MARCO: variants seen among roughly 807,000 people sequenced by gnomAD.
MARCO encodes macrophage receptor with collagenous structure.
In MARCO, 72 loss-of-function variants were observed where a neutral mutation model predicts 70.0. That is an observed-to-expected ratio of 1.03 (90% CI 0.85 to 1.25). The LOEUF (loss-of-function observed/expected upper bound fraction) is 1.25. Among genes scored for constraint, MARCO ranks in the 50% most tolerant of loss-of-function variants. The pLI is 0.00. For synonymous variants in MARCO, 273 were observed against 243.1 expected (o/e 1.12, Z -1.14); for missense variants, 696 against 659.3 (o/e 1.06, Z -0.61).
chr2:118,971,630 C>T (rs2104580367), intron 4 of MARCO, 96 bp downstream of exon 4: 4 of 1,197,710 alleles, frequency 3.3e-6, no homozygotes, highest in South Asian at 1.3e-5. Flanking sequence ...GGACAGCTGA[C>T]CCTAGCTTAC....
At chr2:118,986,729 A>AGAAAGAAAGAAAGG (rs1558672056) in intron 12 of MARCO, among the ~76,000 whole-genome samples, 11 of 126,264 alleles carry the variant, frequency 8.7e-5, no homozygotes, top group African/African-American at 3.9e-4. Flanking sequence ...AAGAAAAGAA[A>AGAAAGAAAGAAAGG]GAAAGAAAGA....
At chr2:118,944,449 A>AT (rs1434178764) in intron 1 of MARCO, among the ~76,000 whole-genome samples, 3 of 151,886 alleles carry the variant, frequency 2.0e-5, no homozygotes, top group Non-Finnish European at 4.4e-5. Flanking sequence ...CACATTACTT[A>AT]TTTTTTGTCT....
rs1249438036 is a variant in MARCO, at chr2:118,945,443, C to T, written c.97+3046C>T. Among the ~76,000 whole-genome samples, 6 of 147,358 alleles carry T rather than the reference C, an allele frequency of 4.1e-5. No individual in the cohort carries two copies. In the South Asian group the frequency reaches 6.6e-4, roughly 16 times the overall value. On this transcript the variant is annotated intron_variant, in intron 1 of 16. Coordinates refer to ENST00000327097, the MANE Select transcript of MARCO (RefSeq NM_006770.4). ...TTTTTTCTTTTTTGAGATGGAGTCT[C>T]GCTCTGTCACCCATGCTGGAGTGCA... is the stretch of plus-strand genomic sequence containing the variant.
At chr2:118,949,007 C>T (rs1206370957) in intron 1 of MARCO, among the ~76,000 whole-genome samples, 1 of 152,206 alleles carries the variant, frequency 6.6e-6, no homozygotes, top group East Asian at 1.9e-4. Context: ...ACTGACTTCA[C>T]TGCATCCTGT....
intron 8 of MARCO, among the ~76,000 whole-genome samples, chr2:118,979,477 G>T (rs1317785263): frequency 6.6e-6 from 1 of 152,116 alleles, no homozygotes; most frequent in Non-Finnish European, 1.5e-5. Flanking sequence ...TCCAAAGCTG[G>T]AACAACACAG....
chr2:118,991,964 G>A (rs900155321), intron 14 of MARCO, 89 bp downstream of exon 14: 3 of 934,724 alleles, frequency 3.2e-6, no homozygotes, highest in Non-Finnish European at 4.9e-6. Flanking sequence ...GCTGTTTTAA[G>A]AGTTCTGGGG....
intron 16 of MARCO, among the ~76,000 whole-genome samples, chr2:118,993,557 T>C (rs549128297): frequency 1.3e-5 from 2 of 152,312 alleles, no homozygotes; most frequent in South Asian, 4.1e-4. Flanking sequence ...CATCCAGCCC[T>C]GGAGTCAGAA....
chr2:118,987,820 T>G (rs1033583629), intron 12 of MARCO, among the ~76,000 whole-genome samples: 34 of 152,356 alleles, frequency 2.2e-4, no homozygotes, highest in African/African-American at 7.7e-4. Flanking sequence ...ATGATTCTGA[T>G]GTATTCTCTA....
intron 16 of MARCO, 113 bp from the exon 17 acceptor site, chr2:118,994,274 G>A (rs1305879266): frequency 6.9e-6 from 8 of 1,159,770 alleles, no homozygotes; most frequent in Non-Finnish European, 9.0e-6. Flanking sequence ...GCCAGAATGA[G>A]TGAGAAGTCG....
In MARCO at chr2:118,977,911, G is replaced by C; in HGVS notation, c.742G>C (p.Glu248Gln). Residue 248 changes from glutamate to glutamine, a missense_variant, in exon 8 of 17, where the codon GAG becomes CAG. Physicochemically the swap from Glu to Gln is conservative, Grantham distance 29. Transcript: ENST00000327097. ...AAAAGGGGAAACTGGAACTAAGGGA[G>C]AGAAAGGAGACCTGGGTCTCCCAGG... ...GPKGETGTKG[E>Q]KGDLGLPGSK... 6.2e-7 allele frequency: 1 copy of C among 1,609,916 alleles called. No homozygotes were observed. The highest frequency in any genetic ancestry group is 8.5e-7 in the Non-Finnish European group (1 of 1,178,112).
intron 7 of MARCO, 71 bp from the exon 8 acceptor site, chr2:118,977,757 C>A: frequency 1.7e-6 from 2 of 1,170,024 alleles, no homozygotes; most frequent in Non-Finnish European, 2.5e-6. Flanking sequence ...ATGCTTCCTG[C>A]CCCTTTGCCT....
intron 16 of MARCO, among the ~76,000 whole-genome samples, 182 bp from the exon 17 acceptor site, chr2:118,994,193 AAACAACAACAAC>A (rs139356455): frequency 6.6e-6 from 1 of 151,066 alleles, no homozygotes; most frequent in Non-Finnish European, 1.5e-5. Context: ...GTCATTATAA[AAACAACAACAAC>A]AACAACAACA....
At chr2:118,949,702 T>C (rs995066402) in intron 1 of MARCO, 1 of 152,166 alleles carries the variant, frequency 6.6e-6, no homozygotes, top group South Asian at 2.1e-4. Flanking sequence ...CCAGGAACAA[T>C]GGCCCATGAT....
chr2:118,979,671 C>T (rs932960575), intron 8 of MARCO, among the ~76,000 whole-genome samples: 6 of 152,196 alleles, frequency 3.9e-5, no homozygotes, highest in Admixed American at 2.0e-4. Flanking sequence ...CTGTGGTTGG[C>T]GAAGGGAAAG....
chr2:118,947,967 A>G (rs1157115978), intron 1 of MARCO, among the ~76,000 whole-genome samples: 1 of 152,220 alleles, frequency 6.6e-6, no homozygotes, highest in Admixed American at 6.5e-5. Flanking sequence ...CAATCCATGC[A>G]CATCTCTCCA....
At chr2:118,950,218 A>G (rs1329106217) in intron 1 of MARCO, among the ~76,000 whole-genome samples, 1 of 152,216 alleles carries the variant, frequency 6.6e-6, no homozygotes, top group Admixed American at 6.5e-5. Context: ...CCTTGTTGAC[A>G]TATGTATCCA....
In MARCO at chr2:118,942,410, T is replaced by G. The variant is rs1679521464; in HGVS notation, c.97+13T>G. The G allele has an allele frequency of 6.3e-7, 1 of 1,584,460 alleles. No individual in the cohort carries two copies. Among genetic ancestry groups the G allele is most frequent in the Admixed American group, 1.7e-5 (1 of 59,928 alleles). On this transcript the variant is annotated intron_variant, in intron 1 of 16. Coordinates refer to ENST00000327097, the MANE Select transcript of MARCO (RefSeq NM_006770.4). ...TTCGAAATCAATGGTAAAGTACGAT[T>G]CCCCAATAATGGAAATGACCAGAAA... is the stretch of plus-strand genomic sequence containing the variant.
intron 6 of MARCO, 106 bp downstream of exon 6, chr2:118,974,671 G>C: frequency 9.2e-7 from 1 of 1,084,562 alleles, no homozygotes; most frequent in African/African-American, 1.6e-5. Context: ...CCTCTGAGGG[G>C]TCTGTAGGTG....
chr2:118,981,650 G>C lies in MARCO; in HGVS notation c.895G>C (p.Asp299His), dbSNP rs757790438. 2 of 1,613,738 alleles carry C rather than the reference G, an allele frequency of 1.2e-6. No homozygotes were observed. Among genetic ancestry groups the C allele is most frequent in the African/African-American group, 2.7e-5 (2 of 74,836 alleles). Reference protein sequence around the residue: ...GLAGFPGAKGDQGQPGLQGVP... With the variant: ...GLAGFPGAKGHQGQPGLQGVP... ...GGCTGGTTTTCCTGGAGCTAAAGGA[G>C]ATCAAGGTAAGAACTACAGGAATCT... is the stretch of plus-strand genomic sequence containing the variant. The change falls in exon 10 of 17, where the codon GAT (aspartate) becomes CAT (histidine). Residue 299 changes from aspartate (D) to histidine (H), a missense_variant. Asp to His is a moderately conservative substitution (Grantham distance 81). Coordinates refer to ENST00000327097, the MANE Select transcript of MARCO (RefSeq NM_006770.4).
Sources: gnomAD v4.1 joint callset for allele counts (sites outside exome capture counted in the v4.1 genomes callset) on GRCh38, gnomAD v4.1.1 for gene constraint, MANE v1.5 for transcripts, NCBI Gene and HGNC (gene_info 2026-07-23, HGNC 2026-07-21) for gene names.